CNTNAP2: variants seen among roughly 807,000 people sequenced by gnomAD.
CNTNAP2 encodes contactin associated protein 2, also known as contactin-associated protein-like 2.
CNTNAP2 carries 98 observed loss-of-function variants against 155.2 expected under a neutral mutation model. The observed-to-expected ratio is 0.63, with a 90% CI of 0.54 to 0.75. The LOEUF (loss-of-function observed/expected upper bound fraction) is 0.75. CNTNAP2 is among the 30% of genes least tolerant of loss of function. The pLI, the probability that CNTNAP2 is intolerant of heterozygous loss-of-function variation, is 0.00. For missense variants in CNTNAP2, 1,727 were observed against 1,688.1 expected (o/e 1.02, Z -0.40); for synonymous variants, 651 against 631.2 (o/e 1.03, Z -0.47).
chr7:148,372,676 C>A lies in CNTNAP2; in HGVS notation c.3476-10973C>A, dbSNP rs570848590. Among the ~76,000 whole-genome samples, 66 of 152,280 alleles carry A rather than the reference C, an allele frequency of 4.3e-4. No homozygotes were observed. The Middle Eastern group carries it at 0.01, about 24-fold the overall frequency. On this transcript the variant is annotated intron_variant, in intron 21 of 23. Transcript: ENST00000361727. ...TGAGCCGAGATTGTGCCACTGCATG[C>A]ACTCCATCCTGGTCAGCAGAGGAAG...
At chr7:146,735,981 C>G (rs73457263) in intron 1 of CNTNAP2, among the ~76,000 whole-genome samples, 14,244 of 152,054 alleles carry the variant, frequency 0.094, 2,150 homozygotes, top group African/African-American at 0.32. Context: ...TGATCATTAC[C>G]TATTGTATAA....
chr7:147,285,543 C>T lies in CNTNAP2; in HGVS notation c.1349-14598C>T, dbSNP rs535551014. Among the ~76,000 whole-genome samples, 10 of 151,916 alleles carry T rather than the reference C, an allele frequency of 6.6e-5. No individual in the cohort carries two copies. In the South Asian group the frequency reaches 2.1e-3, roughly 32 times the overall value. On this transcript the variant is annotated intron_variant, in intron 8 of 23. Coordinates refer to ENST00000361727, the MANE Select transcript of CNTNAP2 (RefSeq NM_014141.6). Reference sequence around the variant, plus strand: ...TGAGAAAATTGATTCAAGAATTAACCTTGTCTAAATTGTCATTATTTTCAT... The same window carrying T: ...TGAGAAAATTGATTCAAGAATTAACTTTGTCTAAATTGTCATTATTTTCAT...
At chr7:146,427,676 C>A (rs758128002) in intron 1 of CNTNAP2, among the ~76,000 whole-genome samples, 1 of 152,122 alleles carries the variant, frequency 6.6e-6, no homozygotes, top group Admixed American at 6.6e-5. Flanking sequence ...TAGTTACATA[C>A]GTTATTTTGT....
At chr7:146,483,602 AATTCCAAG>A (rs1797011974) in intron 1 of CNTNAP2, among the ~76,000 whole-genome samples, 1 of 150,864 alleles carries the variant, frequency 6.6e-6, no homozygotes, top group Non-Finnish European at 1.5e-5. Context: ...GTTTATAGAT[AATTCCAAG>A]AATAAAAAAA....
chr7:146,686,983 A>G (rs959699046), intron 1 of CNTNAP2, among the ~76,000 whole-genome samples: 10 of 152,186 alleles, frequency 6.6e-5, no homozygotes, highest in African/African-American at 2.4e-4. Flanking sequence ...TTAATCAATT[A>G]TTCTGCCAAT....
At chr7:146,415,241 C>A (rs1331074205) in intron 1 of CNTNAP2, among the ~76,000 whole-genome samples, 1 of 152,168 alleles carries the variant, frequency 6.6e-6, no homozygotes, top group Non-Finnish European at 1.5e-5. Flanking sequence ...CACACATACA[C>A]ACACACATAC....
chr7:147,832,712 G>GT (rs2116638164), intron 13 of CNTNAP2, among the ~76,000 whole-genome samples: 1 of 144,542 alleles, frequency 6.9e-6, no homozygotes, highest in African/African-American at 2.5e-5. Flanking sequence ...TCAAGATATT[G>GT]TTTTTATATT....
At chr7:147,973,776 A>G (rs1220870006) in intron 14 of CNTNAP2, among the ~76,000 whole-genome samples, 1 of 152,204 alleles carries the variant, frequency 6.6e-6, no homozygotes, top group Non-Finnish European at 1.5e-5. Flanking sequence ...TTTAAGACGA[A>G]AAGTCCAAGG....
intron 11 of CNTNAP2, among the ~76,000 whole-genome samples, chr7:147,536,030 T>C (rs1046111476): frequency 6.6e-6 from 1 of 152,136 alleles, no homozygotes. Flanking sequence ...CTCACCCCAG[T>C]AGGGGAAGAA....
chr7:147,921,866 T>G (rs562088306), intron 14 of CNTNAP2, among the ~76,000 whole-genome samples: 4 of 152,154 alleles, frequency 2.6e-5, no homozygotes, highest in African/African-American at 9.7e-5. Flanking sequence ...GTACTTACTA[T>G]GCACAAAGGC....
chr7:147,901,513 C>A (rs2116747918), intron 13 of CNTNAP2, among the ~76,000 whole-genome samples: 1 of 152,342 alleles, frequency 6.6e-6, no homozygotes, highest in Non-Finnish European at 1.5e-5. Flanking sequence ...CTCAGCACAT[C>A]TCTTCAGCCC....
chr7:148,148,330 A>G (rs1394831397), intron 17 of CNTNAP2, among the ~76,000 whole-genome samples: 3 of 152,238 alleles, frequency 2.0e-5, no homozygotes, highest in East Asian at 3.8e-4. Flanking sequence ...TCTTTCTGCT[A>G]CTGACATATT....
chr7:146,436,867 C>T (rs1796250826), intron 1 of CNTNAP2, among the ~76,000 whole-genome samples: 1 of 151,600 alleles, frequency 6.6e-6, no homozygotes, highest in African/African-American at 2.4e-5. Context: ...GCTAAGTAGA[C>T]TGCCCTGTTG....
intron 11 of CNTNAP2, among the ~76,000 whole-genome samples, chr7:147,501,024 A>G (rs1429232591): frequency 6.6e-6 from 1 of 152,116 alleles, no homozygotes; most frequent in Non-Finnish European, 1.5e-5. Context: ...TATTCCAAGA[A>G]TTATACACCA....
chr7:148,324,740 AGC>A (rs1313844215), intron 21 of CNTNAP2, among the ~76,000 whole-genome samples: 1 of 143,958 alleles, frequency 6.9e-6, no homozygotes, highest in Non-Finnish European at 1.5e-5. Context: ...GGTTGCAATG[AGC>A]CAAGATCGTG....
intron 10 of CNTNAP2, among the ~76,000 whole-genome samples, chr7:147,467,259 T>C (rs966579704): frequency 6.6e-6 from 1 of 152,210 alleles, no homozygotes; most frequent in Non-Finnish European, 1.5e-5. Context: ...AATTGTCCTA[T>C]TTTGTTAAAC....
intron 5 of CNTNAP2, among the ~76,000 whole-genome samples, chr7:147,118,663 C>T (rs1312923812): frequency 1.3e-5 from 2 of 152,086 alleles, no homozygotes; most frequent in African/African-American, 4.8e-5. Flanking sequence ...GCTTATTGCT[C>T]CTAGTGTAGA....
rs370653897 is a variant in CNTNAP2, at chr7:147,860,059, G to T, written c.2099-43506G>T. 3.3e-4 allele frequency among the ~76,000 whole-genome samples: 50 copies of T among 152,218 alleles called. 1 individual carries two copies. The highest frequency in any genetic ancestry group is 1.0e-3 in the African/African-American group (42 of 41,550). On this transcript the variant is annotated intron_variant, in intron 13 of 23. Coordinates refer to ENST00000361727, the MANE Select transcript of CNTNAP2 (RefSeq NM_014141.6). ...GGGAGGGACCTGGTGGGAGGTGATT[G>T]GGTCATGGGGGCGGTTTCCCCCATG...
intron 9 of CNTNAP2, among the ~76,000 whole-genome samples, chr7:147,359,014 T>C (rs1369824310): frequency 3.9e-5 from 6 of 152,182 alleles, no homozygotes; most frequent in Non-Finnish European, 5.9e-5. Flanking sequence ...GTAATTGTCT[T>C]ATACCTGGCA....
Sources: allele counts gnomAD v4.1 joint callset (sites outside exome capture counted in the v4.1 genomes callset), GRCh38; gene constraint gnomAD v4.1.1; transcripts MANE v1.5; gene names NCBI Gene and HGNC (gene_info 2026-07-23, HGNC 2026-07-21).